The following NXN variants were observed in gnomAD, a reference collection of about 807,000 sequenced individuals.
NXN encodes the protein nucleoredoxin, also known as nucleoredoxin 1.
Under a neutral mutation model 48.6 loss-of-function variants are expected in NXN, and 16 were observed. That is an observed-to-expected ratio of 0.33 (90% CI 0.22 to 0.50). The LOEUF (loss-of-function observed/expected upper bound fraction) is 0.50, where lower values mean the gene tolerates loss of function less well. NXN is among the 20% of genes least tolerant of loss of function. The pLI, the probability that NXN is intolerant of heterozygous loss-of-function variation, is 0.98. For missense variants in NXN, 492 were observed against 605.5 expected, an observed-to-expected ratio of 0.81 and a Z score of 1.97; for synonymous variants, 281 against 269.6, an observed-to-expected ratio of 1.04 and a Z score of -0.41.
chr17:884,602 C>T (rs147708124), intron 1 of NXN, among the ~76,000 whole-genome samples: 535 of 152,246 alleles, frequency 3.5e-3, no homozygotes, highest in Middle Eastern at 6.8e-3. Flanking sequence ...GGGCTGGGGA[C>T]AGGCTGGGAC....
intron 1 of NXN, among the ~76,000 whole-genome samples, chr17:950,136 TG>T (rs2069093015): frequency 6.6e-6 from 1 of 152,258 alleles, no homozygotes; most frequent in Middle Eastern, 3.4e-3. Context: ...TACACATCCA[TG>T]GGTCACAGCA....
intron 4 of NXN, among the ~76,000 whole-genome samples, chr17:820,611 CAA>C (rs750581539): frequency 6.8e-5 from 1 of 14,724 alleles, no homozygotes; most frequent in East Asian, 2.3e-3. Context: ...GACTCTGTCT[CAA>C]AAAAAAAAAA....
chr17:819,381 T>C (rs756345453), intron 5 of NXN, 58 bp downstream of exon 5: 1 of 1,182,592 alleles, frequency 8.5e-7, no homozygotes, highest in Non-Finnish European at 1.3e-6. Context: ...AAAGACACGG[T>C]GAGCTCAGGT....
intron 5 of NXN, among the ~76,000 whole-genome samples, chr17:805,821 G>A (rs1911465429): frequency 6.6e-6 from 1 of 152,010 alleles, no homozygotes. Flanking sequence ...CTGGACAACA[G>A]AGCAAGATTC....
At chr17:872,162 G>C (rs144640622) in intron 1 of NXN, among the ~76,000 whole-genome samples, 15 of 151,454 alleles carry the variant, frequency 9.9e-5, no homozygotes, top group African/African-American at 3.6e-4. Flanking sequence ...CAGAGGCCAC[G>C]ATGCTGAACC....
chr17:928,386 G>C (rs1410431256), intron 1 of NXN, among the ~76,000 whole-genome samples: 1 of 152,172 alleles, frequency 6.6e-6, no homozygotes, highest in Non-Finnish European at 1.5e-5. Flanking sequence ...AGATCCACAG[G>C]CTGGATAATG....
chr17:883,806 C>T (rs1461843440), intron 1 of NXN, among the ~76,000 whole-genome samples: 1 of 152,240 alleles, frequency 6.6e-6, no homozygotes, highest in Non-Finnish European at 1.5e-5. Context: ...AGGTGCGGTG[C>T]TTACGCCTGT....
chr17:804,282 T>C (rs1911366952), intron 6 of NXN, among the ~76,000 whole-genome samples: 1 of 142,028 alleles, frequency 7.0e-6, no homozygotes, highest in African/African-American at 2.7e-5. Flanking sequence ...GGCTTTTTTT[T>C]TTTTTTTTTT....
At chr17:866,704 C>T (rs1043522468) in intron 1 of NXN, among the ~76,000 whole-genome samples, 3 of 152,184 alleles carry the variant, frequency 2.0e-5, no homozygotes, top group Non-Finnish European at 1.5e-5. Context: ...GTCCTGGCAG[C>T]CTCTAACGTT....
At chr17:944,129 C>T (rs974127201) in intron 1 of NXN, among the ~76,000 whole-genome samples, 5 of 151,682 alleles carry the variant, frequency 3.3e-5, no homozygotes. Flanking sequence ...ATCCCAGCTA[C>T]TCGGGAGGCT....
chr17:867,913 T>G (rs2068109823), intron 1 of NXN, among the ~76,000 whole-genome samples: 1 of 151,788 alleles, frequency 6.6e-6, no homozygotes, highest in Non-Finnish European at 1.5e-5. Context: ...AAAAAAAGTC[T>G]TAAATGTACC....
chr17:809,189 CT>C (rs762286503), intron 5 of NXN, among the ~76,000 whole-genome samples: 85 of 152,264 alleles, frequency 5.6e-4, no homozygotes, highest in Admixed American at 2.4e-3. Context: ...GGTTGGCGTG[CT>C]TTTGCTTCCA....
chr17:908,514 C>CAAAAG (rs1458892772), intron 1 of NXN, among the ~76,000 whole-genome samples: 4 of 152,052 alleles, frequency 2.6e-5, no homozygotes, highest in African/African-American at 9.7e-5. Context: ...CCAGCCTGGG[C>CAAAAG]AACAGAACGA....
In NXN at chr17:898,744, T is replaced by C. The variant is rs1249330736; in HGVS notation, c.361-72666A>G. On this transcript the variant is annotated intron_variant, in intron 1 of 7. Transcript: ENST00000336868. The stretch of plus-strand genomic sequence containing the variant: ...CAGGACGGTAGTGCACACCTATAGT[T>C]CCAAGCTGAGGTGGGAGGACTGCTT... 3.0e-4 allele frequency among the ~76,000 whole-genome samples: 21 copies of C among 68,920 alleles called. 8 individuals are homozygous for C. Among genetic ancestry groups the C allele is most frequent in the Admixed American group, 2.8e-3 (17 of 6,042 alleles). The allele number at this position is 68,920 out of a possible 152,430, so 45.2% of individuals were successfully genotyped here.
chr17:909,981 T>C (rs1185762888), intron 1 of NXN: 1 of 152,234 alleles, frequency 6.6e-6, no homozygotes, highest in African/African-American at 2.4e-5. Context: ...ATGGATCTTA[T>C]GAAAGAATCA....
At chr17:902,071 G>C (rs1284343866) in intron 1 of NXN, among the ~76,000 whole-genome samples, 1 of 152,114 alleles carries the variant, frequency 6.6e-6, no homozygotes, top group Non-Finnish European at 1.5e-5. Flanking sequence ...ACGGTCCAGG[G>C]TTCCAGCCCT....
Position 884,223 on chromosome 17 carries a change from A to AAAATAAATAAATAAAT in NXN, c.361-58161_361-58146dup, listed in dbSNP as rs996617349. Among the ~76,000 whole-genome samples, 146 of 141,868 alleles carry AAAATAAATAAATAAAT rather than the reference A, an allele frequency of 1.0e-3. 1 individual carries two copies. Among genetic ancestry groups the AAAATAAATAAATAAAT allele is most frequent in the South Asian group, 2.2e-3 (9 of 4,158 alleles). The allele number at this position is 141,868 out of a possible 152,430, so 93.1% of individuals were successfully genotyped here. On this transcript the variant is annotated intron_variant, in intron 1 of 7. Coordinates refer to ENST00000336868, the MANE Select transcript of NXN (RefSeq NM_022463.5). ...GGGACTGAGCAAGACTCTGACTCAA[A>AAAATAAATAAATAAAT]AAATAAATAAATAAATAAATAAATA...
At chr17:869,457 C>A (rs775750384) in intron 1 of NXN, among the ~76,000 whole-genome samples, 4 of 152,176 alleles carry the variant, frequency 2.6e-5, no homozygotes, top group Non-Finnish European at 5.9e-5. Flanking sequence ...ACACAGATTA[C>A]GAGGTGGAAG....
intron 1 of NXN, among the ~76,000 whole-genome samples, chr17:979,006 G>A (rs1787481247): frequency 2.0e-5 from 3 of 149,942 alleles, no homozygotes; most frequent in Admixed American, 2.0e-4. Context: ...GGCTCGAGCC[G>A]GGATCCCGGG....
Sources: gnomAD v4.1 joint callset for allele counts (sites outside exome capture counted in the v4.1 genomes callset) on GRCh38, gnomAD v4.1.1 for gene constraint, MANE v1.5 for transcripts, NCBI Gene and HGNC (gene_info 2026-07-23, HGNC 2026-07-21) for gene names.